ZNF251: variants seen among roughly 807,000 people sequenced by gnomAD.
The protein encoded by ZNF251 is zinc finger protein 251.
A neutral mutation model predicts 13.5 loss-of-function variants in ZNF251; 14 were observed. The ratio of observed to expected loss-of-function variants is 1.04; its 90% confidence interval spans 0.69 to 1.63. The LOEUF is 1.63. Among genes scored for constraint, ZNF251 ranks in the 40% most tolerant of loss-of-function variants. The pLI is 0.00. For synonymous variants in ZNF251, 287 were observed against 295.2 expected (o/e 0.97, Z 0.28); for missense variants, 764 against 834.9 (o/e 0.92, Z 1.05).
At chr8:144,751,210 T>C (rs969357947) in intron 4 of ZNF251, among the ~76,000 whole-genome samples, 5 of 152,210 alleles carry the variant, frequency 3.3e-5, no homozygotes, top group South Asian at 2.1e-4. Context: ...CTGATGGAGC[T>C]AAGATTTGTT....
Position 144,730,756 on chromosome 8 carries a change from T to A in ZNF251, c.278-7374A>T, listed in dbSNP as rs191811093. Among the ~76,000 whole-genome samples, 9 of 152,178 alleles carry A rather than the reference T, an allele frequency of 5.9e-5. No individual in the cohort carries two copies. The East Asian group carries it at 1.7e-3, about 29-fold the overall frequency. Reference sequence around the variant, plus strand: ...GGACGGAGCCTGTGGCTCTCCGGGGTGCCCATCACTAACCTCCTTCTTGGA... The same window carrying A: ...GGACGGAGCCTGTGGCTCTCCGGGGAGCCCATCACTAACCTCCTTCTTGGA... On this transcript the variant is annotated intron_variant, in intron 4 of 4. Transcript: ENST00000292562.
chr8:144,753,709 G>C lies in ZNF251; in HGVS notation c.251C>G (p.Pro84Arg). Residue 84 changes from proline (P) to arginine (R), a missense_variant, in exon 4 of 5, where the codon CCA becomes CGA. Physicochemically the swap from Pro to Arg is moderately radical, Grantham distance 103. Coordinates refer to ENST00000292562, the MANE Select transcript of ZNF251 (RefSeq NM_138367.2). ...WVLNLLGAEE[P>R]DILKSCQKDS... The stretch of plus-strand genomic sequence containing the variant: ...TTTCTGGCAGCTTTTCAAGATATCT[G>C]GTTCCTCAGCTCCCAGAAGATTCAG... The C allele has an allele frequency of 6.3e-7, 1 of 1,592,112 alleles. No homozygotes were observed. The highest frequency in any genetic ancestry group is 8.6e-7 in the Non-Finnish European group (1 of 1,168,644).
intron 4 of ZNF251, among the ~76,000 whole-genome samples, chr8:144,729,347 TTTTTTG>T (rs1563756784): frequency 4.8e-5 from 6 of 125,464 alleles, no homozygotes; most frequent in Non-Finnish European, 8.9e-5. Flanking sequence ...TTTTTTTTTT[TTTTTTG>T]TGAGATAGAG....
Position 144,722,374 on chromosome 8 carries a change from C to A in ZNF251, c.1286G>T (p.Gly429Val). 1 of 1,613,998 alleles carries A rather than the reference C, an allele frequency of 6.2e-7. No individual in the cohort carries two copies. Among genetic ancestry groups the A allele is most frequent in the Non-Finnish European group, 8.5e-7 (1 of 1,179,902 alleles). The change falls in exon 5 of 5, where the codon GGA (glycine) becomes GTA (valine). Residue 429 changes from glycine to valine, a missense_variant. Coordinates refer to ENST00000292562, the MANE Select transcript of ZNF251 (RefSeq NM_138367.2). The surrounding 1 kb of genome is among the most constrained non-coding windows in gnomAD (Gnocchi z 4.8). The stretch of plus-strand genomic sequence containing the variant: ...CTCATTACAAACATAGGGTTTTTCT[C>A]CTGTGTGAATCCTTACGTGTTCAGT... ...HLTEHVRIHT[G>V]EKPYVCNECG...
rs1418540042 is a variant in ZNF251 at position 144,724,311 on chromosome 8, G to A, written c.278-929C>T. ...AGAATTAAAGCAACAATCATGCCGT[G>A]TACTGTTGGTGGGACTGTAAATAAA... On this transcript the variant is annotated intron_variant, in intron 4 of 4. Transcript: ENST00000292562. Among the ~76,000 whole-genome samples, 7 of 149,064 alleles carry A rather than the reference G, an allele frequency of 4.7e-5. No homozygotes were observed. The East Asian group carries it at 1.2e-3, about 25-fold the overall frequency.
intron 4 of ZNF251, among the ~76,000 whole-genome samples, chr8:144,748,547 T>C (rs1467279712): frequency 6.6e-6 from 1 of 152,122 alleles, no homozygotes; most frequent in Non-Finnish European, 1.5e-5. Flanking sequence ...TGGCAAGATC[T>C]TGTCATGAGA....
At chr8:144,737,494 G>A (rs930118745) in intron 4 of ZNF251, among the ~76,000 whole-genome samples, 3 of 151,372 alleles carry the variant, frequency 2.0e-5, no homozygotes, top group Admixed American at 6.6e-5. Context: ...GGGTGACAGA[G>A]CGAGATTCCG....
intron 4 of ZNF251, among the ~76,000 whole-genome samples, chr8:144,732,557 A>G (rs543130540): frequency 3.9e-5 from 6 of 152,328 alleles, no homozygotes; most frequent in South Asian, 2.1e-4. Flanking sequence ...TCACGCCTGT[A>G]ATCCCAGCAC....
intron 4 of ZNF251, among the ~76,000 whole-genome samples, chr8:144,744,245 C>T (rs1166002579): frequency 6.6e-6 from 1 of 152,040 alleles, no homozygotes; most frequent in African/African-American, 2.4e-5. Context: ...CTCCTGACCT[C>T]GGGTGATCTG....
At chr8:144,752,135 C>CAAAAAAAAAAAAAAAAAAAA (rs745386892) in intron 4 of ZNF251, among the ~76,000 whole-genome samples, 1 of 86,194 alleles carries the variant, frequency 1.2e-5, no homozygotes, top group African/African-American at 4.0e-5. Context: ...ATAACTAGAC[C>CAAAAAAAAAAAAAAAAAAAA]AAAAAAAAAA....
intron 4 of ZNF251, among the ~76,000 whole-genome samples, chr8:144,729,089 G>GAAAAAA (rs770516433): frequency 1.1e-5 from 1 of 91,614 alleles, no homozygotes; most frequent in Non-Finnish European, 2.1e-5. Context: ...TCCATCTATG[G>GAAAAAA]AAAAAAAAAA....
At chr8:144,740,335 G>T (rs1344209300) in intron 4 of ZNF251, among the ~76,000 whole-genome samples, 1 of 150,764 alleles carries the variant, frequency 6.6e-6, no homozygotes, top group Admixed American at 6.6e-5. Context: ...AAGTTTTGTT[G>T]TGTTTTAACT....
In ZNF251 at chr8:144,722,277, G is replaced by T. The variant is rs1237373149; in HGVS notation, c.1383C>A (p.Tyr461Ter). ...HRRVHTGEKP[Y>*]QCVECGKAFS... ...AAGCTTTCCCACATTCAACGCACTG[G>T]TAGGGCTTCTCCCCAGTGTGAACTC... is the stretch of plus-strand genomic sequence containing the variant. The change falls in exon 5 of 5, where the codon TAC becomes TAA. Residue 461 changes from tyrosine (Y) to a stop codon, truncating the protein, a stop_gained. Transcript: ENST00000292562. LOFTEE classifies it low-confidence loss of function (END_TRUNC). The surrounding 1 kb of genome is among the most constrained non-coding windows in gnomAD (Gnocchi z 4.8). The T allele has an allele frequency of 6.2e-7, 1 of 1,613,406 alleles. No homozygotes were observed. The highest frequency in any genetic ancestry group is 1.3e-5 in the African/African-American group (1 of 74,712).
At position 144,738,697 on chromosome 8, in the gene ZNF251, G is replaced by A. The variant is rs967819420; in HGVS notation, c.277+14986C>T. 1.0e-5 allele frequency: 10 copies of A among 984,534 alleles called. No homozygotes were observed. In the South Asian group the frequency reaches 1.4e-4, roughly 14 times the overall value. The allele number at this position is 984,534 out of a possible 1,614,324, so 61.0% of individuals were successfully genotyped here. A position where few individuals can be genotyped will look rare whatever the true frequency, so the allele number is the denominator to read the frequency against. On this transcript the variant is annotated intron_variant, in intron 4 of 4. Transcript: ENST00000292562. ...CAGTTCTCTCGTTCAAGGCAACCTC[G>A]TGGGGGCACCTGTTTGTGGAAACAG... is the stretch of plus-strand genomic sequence containing the variant.
rs950781565 is a variant in ZNF251, at chr8:144,734,271, A to G, written c.278-10889T>C. Among the ~76,000 whole-genome samples the G allele has an allele frequency of 2.6e-5, 4 of 152,284 alleles. No homozygotes were observed. Among genetic ancestry groups the G allele is most frequent in the East Asian group, 1.9e-4 (1 of 5,178 alleles). ...TACTGCAGACCCCAGACCATGGGCA[A>G]TCCCTGCAGGGCTGGTCATGACCCC... On this transcript the variant is annotated intron_variant, in intron 4 of 4. Coordinates refer to ENST00000292562, the MANE Select transcript of ZNF251 (RefSeq NM_138367.2). This position sits in a 1 kb window ranked among gnomAD's most constrained non-coding sequence, Gnocchi z 4.4.
intron 4 of ZNF251, among the ~76,000 whole-genome samples, chr8:144,738,207 G>A (rs981647449): frequency 6.6e-6 from 1 of 152,128 alleles, no homozygotes; most frequent in Non-Finnish European, 1.5e-5. Context: ...AAGCTCTGGC[G>A]ACACCCACTC....
Position 144,745,069 on chromosome 8 carries a change from G to A in ZNF251, c.277+8614C>T, listed in dbSNP as rs150092536. ...GAGACTCCATATGGAGGGGGACGGGGAGCGGGAGGGGAAGGGGAGCGGAGG... is the reference window on the plus strand; with the variant it reads ...GAGACTCCATATGGAGGGGGACGGGAAGCGGGAGGGGAAGGGGAGCGGAGG... On this transcript the variant is annotated intron_variant, in intron 4 of 4. Coordinates refer to ENST00000292562, the MANE Select transcript of ZNF251 (RefSeq NM_138367.2). Among the ~76,000 whole-genome samples, 223 of 152,222 alleles carry A rather than the reference G, an allele frequency of 1.5e-3. 1 individual carries two copies. The highest frequency in any genetic ancestry group is 4.4e-3 in the African/African-American group (182 of 41,548).
At position 144,721,805 on chromosome 8, in the gene ZNF251, G is replaced by C; in HGVS notation, c.1855C>G (p.Gln619Glu). The stretch of plus-strand genomic sequence containing the variant: ...TACACACTGCAATGACATGGTTTCT[G>C]ACCAGTGTGAGTTACCTGATGTTGA... ...LIQHQVTHTGQKPCHCSVYGK... is the reference protein window; with the variant it reads ...LIQHQVTHTGEKPCHCSVYGK... The change falls in exon 5 of 5, where the codon CAG becomes GAG. Residue 619 changes from glutamine (Q) to glutamate (E), a missense_variant. Gln to Glu is a conservative substitution (Grantham distance 29, BLOSUM62 2). Coordinates refer to ENST00000292562, the MANE Select transcript of ZNF251 (RefSeq NM_138367.2). The C allele has an allele frequency of 6.7e-7, 1 of 1,486,296 alleles. No homozygotes were observed. The highest frequency in any genetic ancestry group is 8.9e-7 in the Non-Finnish European group (1 of 1,118,126). The allele number at this position is 1,486,296 out of a possible 1,614,324, so 92.1% of individuals were successfully genotyped here.
At chr8:144,739,662 G>A (rs1171347576) in intron 4 of ZNF251, among the ~76,000 whole-genome samples, 4 of 152,194 alleles carry the variant, frequency 2.6e-5, no homozygotes, top group African/African-American at 9.7e-5. Context: ...ACTTTGGGAG[G>A]CCAAGGCAGG....
Sources: allele counts gnomAD v4.1 joint callset (sites outside exome capture counted in the v4.1 genomes callset), GRCh38; gene constraint gnomAD v4.1.1; non-coding constraint Gnocchi (gnomAD v3.1); transcripts MANE v1.5; gene names NCBI Gene and HGNC (gene_info 2026-07-23, HGNC 2026-07-21).